Variants in CSMD1 observed in about 807,000 individuals in gnomAD.
CSMD1 encodes CUB and sushi domain-containing protein 1.
Under a neutral mutation model 417.5 loss-of-function variants are expected in CSMD1, and 213 were observed. The observed-to-expected ratio is 0.51, with a 90% CI of 0.46 to 0.57. CSMD1 has a LOEUF of 0.57. Among genes scored for constraint, CSMD1 ranks in the 20% least tolerant of loss-of-function variants. The pLI is 0.00. For synonymous variants in CSMD1, 2,862 were observed against 1,736.8 expected (o/e 1.65, Z -16.11); for missense variants, 6,923 against 4,529.7 (o/e 1.53, Z -15.17).
At chr8:3,705,757 T>A (rs13267542) in intron 7 of CSMD1, among the ~76,000 whole-genome samples, 49,724 of 152,032 alleles carry the variant, frequency 0.33, 8,648 homozygotes, top group Admixed American at 0.46. Flanking sequence ...TTGGATCTAA[T>A]CTCTAGAATC....
chr8:3,618,779 T>G (rs1357835650), intron 7 of CSMD1, among the ~76,000 whole-genome samples: 1 of 152,198 alleles, frequency 6.6e-6, no homozygotes, highest in Non-Finnish European at 1.5e-5. Context: ...AGGACTATAT[T>G]TCATGATGTC....
rs1314605601 is a variant in CSMD1 at position 3,884,869 on chromosome 8, T to G, written c.818+113034A>C. 2.0e-5 allele frequency among the ~76,000 whole-genome samples: 3 copies of G among 151,012 alleles called. No homozygotes were observed. In the East Asian group the frequency reaches 5.8e-4, roughly 29 times the overall value. ...TATGAAAATGCCAAGGCTGAGAATTTTGCTACCATAAAAATTATAACTTTT... is the reference window on the plus strand; with the variant it reads ...TATGAAAATGCCAAGGCTGAGAATTGTGCTACCATAAAAATTATAACTTTT... On this transcript the variant is annotated intron_variant, in intron 5 of 69. Transcript: ENST00000635120.
chr8:4,321,630 A>T (rs779737820), intron 3 of CSMD1, among the ~76,000 whole-genome samples: 27 of 152,150 alleles, frequency 1.8e-4, no homozygotes, highest in Non-Finnish European at 3.7e-4. Context: ...TTTCTGCTCT[A>T]CCTCTGCAAA....
chr8:4,329,450 G>A (rs1324663250), intron 3 of CSMD1, among the ~76,000 whole-genome samples: 2 of 152,044 alleles, frequency 1.3e-5, no homozygotes, highest in Admixed American at 6.6e-5. Flanking sequence ...CAGCACACTG[G>A]CTAATTTTTG....
intron 2 of CSMD1, among the ~76,000 whole-genome samples, chr8:4,556,594 T>C (rs1024198527): frequency 1.3e-5 from 2 of 152,166 alleles, no homozygotes; most frequent in Non-Finnish European, 2.9e-5. Context: ...AATAAACGAA[T>C]AGTATATGGT....
intron 6 of CSMD1, among the ~76,000 whole-genome samples, chr8:3,751,304 G>C (rs1232373342): frequency 7.1e-6 from 1 of 141,596 alleles, no homozygotes; most frequent in Non-Finnish European, 1.6e-5. Flanking sequence ...ATTGAAGTGT[G>C]TGTGTGTGTG....
chr8:3,426,150 ACTTTC>A (rs2116999867), intron 12 of CSMD1, among the ~76,000 whole-genome samples: 1 of 152,318 alleles, frequency 6.6e-6, no homozygotes, highest in East Asian at 1.9e-4. Context: ...TATCCCTAAT[ACTTTC>A]CTTTCAATAA....
intron 5 of CSMD1, among the ~76,000 whole-genome samples, chr8:3,858,754 C>T (rs1270424237): frequency 1.3e-5 from 2 of 152,016 alleles, no homozygotes; most frequent in African/African-American, 4.8e-5. Context: ...TTGGATGTTA[C>T]ACTCCTGTAT....
chr8:4,167,087 G>A (rs955956896), intron 3 of CSMD1, among the ~76,000 whole-genome samples: 2 of 152,110 alleles, frequency 1.3e-5, no homozygotes, highest in Admixed American at 1.3e-4. Context: ...AATATCTGTA[G>A]ATAAATGTAA....
chr8:3,349,564 C>T (rs181824865), intron 21 of CSMD1, among the ~76,000 whole-genome samples: 1 of 151,686 alleles, frequency 6.6e-6, no homozygotes, highest in Non-Finnish European at 1.5e-5. Flanking sequence ...GGCGGAAGTG[C>T]AGGCAATTGG....
intron 3 of CSMD1, among the ~76,000 whole-genome samples, chr8:4,176,156 ACT>A (rs1798028630): frequency 6.6e-6 from 1 of 151,514 alleles, no homozygotes; most frequent in Admixed American, 6.6e-5. Flanking sequence ...TGGAAAAGAG[ACT>A]CTATGTCTTG....
At chr8:3,900,216 G>A (rs1035061628) in intron 5 of CSMD1, among the ~76,000 whole-genome samples, 4 of 151,896 alleles carry the variant, frequency 2.6e-5, no homozygotes, top group Non-Finnish European at 5.9e-5. Context: ...CAGTGGAGCT[G>A]GGTGACAGTG....
intron 10 of CSMD1, among the ~76,000 whole-genome samples, chr8:3,501,274 G>A (rs1043803631): frequency 1.3e-5 from 2 of 151,948 alleles, no homozygotes; most frequent in Admixed American, 6.5e-5. Context: ...AAACACACAT[G>A]CACACACATA....
intron 2 of CSMD1, among the ~76,000 whole-genome samples, chr8:4,499,116 G>A (rs998532259): frequency 6.6e-6 from 1 of 152,294 alleles, no homozygotes; most frequent in East Asian, 1.9e-4. Context: ...AGTCATTTCT[G>A]TTTAGGGATT....
chr8:4,731,985 G>C (rs1377794724), intron 1 of CSMD1, among the ~76,000 whole-genome samples: 2 of 152,132 alleles, frequency 1.3e-5, no homozygotes, highest in Non-Finnish European at 2.9e-5. Context: ...AGCGTTATGA[G>C]AAGGAGGAGA....
chr8:4,604,415 G>A (rs895545714), intron 2 of CSMD1, among the ~76,000 whole-genome samples: 2 of 151,444 alleles, frequency 1.3e-5, no homozygotes, highest in African/African-American at 4.8e-5. Context: ...GTGTGTGCGC[G>A]TGCGTAAAGA....
At chr8:3,469,939 G>T (rs1008682685) in intron 11 of CSMD1, among the ~76,000 whole-genome samples, 2 of 152,130 alleles carry the variant, frequency 1.3e-5, no homozygotes, top group East Asian at 3.8e-4. Context: ...TGCTTGTTTT[G>T]TTGGCTTGTT....
intron 2 of CSMD1, among the ~76,000 whole-genome samples, chr8:4,551,860 T>G (rs1797885957): frequency 6.6e-6 from 1 of 151,086 alleles, no homozygotes; most frequent in African/African-American, 2.4e-5. Flanking sequence ...TTGTATTTTT[T>G]TTTTTTTTGT....
At chr8:4,623,747 A>ACAAAG (rs1801920971) in intron 2 of CSMD1, among the ~76,000 whole-genome samples, 1 of 152,020 alleles carries the variant, frequency 6.6e-6, no homozygotes, top group African/African-American at 2.4e-5. Context: ...GTGTGTATAT[A>ACAAAG]TATATTTCAT....
Sources: allele counts gnomAD v4.1 joint callset (sites outside exome capture counted in the v4.1 genomes callset), GRCh38; gene constraint gnomAD v4.1.1; transcripts MANE v1.5; gene names NCBI Gene and HGNC (gene_info 2026-07-23, HGNC 2026-07-21).